The following DSCAML1 variants were observed in gnomAD, a reference collection of about 807,000 sequenced individuals.
DSCAML1 encodes the protein DS cell adhesion molecule like 1, also known as cell adhesion molecule DSCAML1.
Under a neutral mutation model 200.5 loss-of-function variants are expected in DSCAML1, and 38 were observed. The observed-to-expected ratio is 0.19, with a 90% CI of 0.15 to 0.25. The LOEUF is 0.25. Ranked by LOEUF, DSCAML1 falls within the 10% of genes least tolerant of loss-of-function variation. DSCAML1 has a pLI of 1.00. For missense variants in DSCAML1, 2,223 were observed against 2,858.8 expected (o/e 0.78, Z 5.07); for synonymous variants, 1,215 against 1,165.0 (o/e 1.04, Z -0.87).
chr11:117,429,205 G>A (rs920419494), intron 32 of DSCAML1, among the ~76,000 whole-genome samples: 1 of 152,144 alleles, frequency 6.6e-6, no homozygotes, highest in African/African-American at 2.4e-5. Flanking sequence ...GCTCTGGCTG[G>A]TGGAAAGCTT....
Position 117,461,537 on chromosome 11 carries a change from T to C in DSCAML1, c.3325A>G (p.Ile1109Val). 6.2e-7 allele frequency: 1 copy of C among 1,614,120 alleles called. No homozygotes were observed. The highest frequency in any genetic ancestry group is 8.5e-7 in the Non-Finnish European group (1 of 1,180,044). The part of the protein sequence containing the change: ...ALSITSDVAV[I>V]SWSEPPRSTL... The stretch of plus-strand genomic sequence containing the variant: ...CTGCGCGGGGGCTCTGACCAGGAGA[T>C]GACGGCCACGTCAGAAGTGATGGAC... The change falls in exon 18 of 33, where the codon ATC becomes GTC. Residue 1109 changes from isoleucine (I) to valine (V), a missense_variant. Coordinates refer to ENST00000651296, the MANE Select transcript of DSCAML1 (RefSeq NM_020693.4).
At chr11:117,583,858 G>A (rs1041070202) in intron 3 of DSCAML1, among the ~76,000 whole-genome samples, 4 of 152,234 alleles carry the variant, frequency 2.6e-5, no homozygotes, top group Non-Finnish European at 4.4e-5. Flanking sequence ...ACCCTGGTGT[G>A]AAAGACTGAT....
At chr11:117,676,519 C>G (rs1000200080) in intron 3 of DSCAML1, among the ~76,000 whole-genome samples, 5 of 152,196 alleles carry the variant, frequency 3.3e-5, no homozygotes, top group Admixed American at 6.5e-5. Context: ...CCTCTTTTTC[C>G]CAAAGGGTCC....
chr11:117,507,374 C>G (rs569287405), intron 8 of DSCAML1, among the ~76,000 whole-genome samples: 2 of 152,146 alleles, frequency 1.3e-5, no homozygotes, highest in Non-Finnish European at 2.9e-5. Flanking sequence ...GGGGCAAAGA[C>G]GGATGGCATC....
chr11:117,711,571 C>T (rs1045334804), intron 3 of DSCAML1, among the ~76,000 whole-genome samples: 1 of 152,148 alleles, frequency 6.6e-6, no homozygotes, highest in Admixed American at 6.5e-5. Flanking sequence ...GTGTGAGGGA[C>T]GCGTCTCCAA....
intron 3 of DSCAML1, among the ~76,000 whole-genome samples, chr11:117,706,019 A>G (rs2053753078): frequency 6.6e-6 from 1 of 152,170 alleles, no homozygotes; most frequent in African/African-American, 2.4e-5. Flanking sequence ...AGCCCATTCC[A>G]TTCCTCTGTC....
At chr11:117,687,248 T>A (rs2053415369) in intron 3 of DSCAML1, among the ~76,000 whole-genome samples, 1 of 152,058 alleles carries the variant, frequency 6.6e-6, no homozygotes, top group Non-Finnish European at 1.5e-5. Context: ...GGAGCCACTC[T>A]GCGTTTATTT....
At chr11:117,726,786 G>A (rs1262250238) in intron 3 of DSCAML1, among the ~76,000 whole-genome samples, 2 of 152,194 alleles carry the variant, frequency 1.3e-5, no homozygotes, top group Non-Finnish European at 2.9e-5. Context: ...GCATGGAGAG[G>A]TGCTTTGGTA....
In DSCAML1 at chr11:117,745,564, G is replaced by A. The variant is rs1164053273; in HGVS notation, c.511+31227C>T. 2.0e-5 allele frequency among the ~76,000 whole-genome samples: 3 copies of A among 152,274 alleles called. No homozygotes were observed. In the East Asian group the frequency reaches 5.8e-4, roughly 29 times the overall value. ...ACCTACAGCATGCCCTGTTCACTGG[G>A]GCTGGGGGCTATGGGATGTCAGCAC... On this transcript the variant is annotated intron_variant, in intron 3 of 32. Transcript: ENST00000651296.
chr11:117,528,670 G>T (rs1174847714), intron 4 of DSCAML1, among the ~76,000 whole-genome samples: 1 of 152,150 alleles, frequency 6.6e-6, no homozygotes, highest in Non-Finnish European at 1.5e-5. Flanking sequence ...TGTCCTTTGT[G>T]AGCTGGGGAT....
intron 3 of DSCAML1, among the ~76,000 whole-genome samples, chr11:117,684,435 TAAAAAAAAAAA>T (rs149958154): frequency 2.7e-5 from 2 of 74,612 alleles, no homozygotes; most frequent in Admixed American, 3.6e-4. Context: ...TTTCATTAAC[TAAAAAAAAAAA>T]AAAAAAAAAA....
intron 3 of DSCAML1, among the ~76,000 whole-genome samples, chr11:117,771,863 T>C (rs2055045278): frequency 6.6e-6 from 1 of 152,184 alleles, no homozygotes; most frequent in African/African-American, 2.4e-5. Flanking sequence ...CCATACAGCA[T>C]AGGTATTATC....
Position 117,481,886 on chromosome 11 carries a change from G to A in DSCAML1, c.2559+77C>T, listed in dbSNP as rs2048930045. On this transcript the variant is annotated intron_variant, in intron 12 of 32. Transcript: ENST00000651296. ...CTCCCAGGCTCCCCATTTGCCTCCT[G>A]GATGCAGATGTGATAGCTGCGGGCT... 3 of 1,563,560 alleles carry A rather than the reference G, an allele frequency of 1.9e-6. No homozygotes were observed. In the Admixed American group the frequency reaches 5.1e-5, roughly 27 times the overall value.
Position 117,481,970 on chromosome 11 carries a change from G to GA in DSCAML1, c.2551_2552insT (p.Thr851IlefsTer8). On this transcript the variant is annotated frameshift_variant, in exon 12 of 33. Transcript: ENST00000651296. LOFTEE classifies it high-confidence loss of function. ...TGAGGTGGGGGTGCTCACCTTCAGT[G>GA]TGGAGACGACCTCGTCGCCGTTGTC... 1 of 1,614,038 alleles carries GA rather than the reference G, an allele frequency of 6.2e-7. No homozygotes were observed. Among genetic ancestry groups the GA allele is most frequent in the Non-Finnish European group, 8.5e-7 (1 of 1,180,000 alleles).
At chr11:117,672,551 G>A (rs763230676) in intron 3 of DSCAML1, among the ~76,000 whole-genome samples, 6 of 152,184 alleles carry the variant, frequency 3.9e-5, no homozygotes, top group African/African-American at 7.2e-5. Flanking sequence ...ACCTGTACAC[G>A]AAACAGTTCC....
intron 3 of DSCAML1, among the ~76,000 whole-genome samples, chr11:117,601,198 AG>A (rs1452098178): frequency 6.8e-6 from 1 of 146,284 alleles, no homozygotes; most frequent in Non-Finnish European, 1.5e-5. Context: ...AACTACAGTG[AG>A]CTACAAACAC....
At chr11:117,639,784 C>T (rs1278846485) in intron 3 of DSCAML1, among the ~76,000 whole-genome samples, 1 of 152,110 alleles carries the variant, frequency 6.6e-6, no homozygotes, top group Non-Finnish European at 1.5e-5. Flanking sequence ...GTAGTGGCTG[C>T]AGAGGCCCCG....
intron 3 of DSCAML1, among the ~76,000 whole-genome samples, chr11:117,660,034 A>T (rs1382132329): frequency 6.6e-6 from 1 of 152,020 alleles, no homozygotes; most frequent in African/African-American, 2.4e-5. Flanking sequence ...TCTGCCTCAC[A>T]CTTTTATCCC....
At chr11:117,558,914 TTTA>T (rs759397384) in intron 3 of DSCAML1, among the ~76,000 whole-genome samples, 67 of 152,174 alleles carry the variant, frequency 4.4e-4, no homozygotes, top group African/African-American at 1.5e-3. Flanking sequence ...AGGGGTTAAT[TTTA>T]TTATTATTAT....
Sources: gnomAD v4.1 joint callset for allele counts (sites outside exome capture counted in the v4.1 genomes callset) on GRCh38, gnomAD v4.1.1 for gene constraint, MANE v1.5 for transcripts, NCBI Gene and HGNC (gene_info 2026-07-23, HGNC 2026-07-21) for gene names.